TRPM2: variants seen among roughly 807,000 people sequenced by gnomAD.
The protein encoded by TRPM2 is transient receptor potential cation channel subfamily M member 2.
A neutral mutation model predicts 174.0 loss-of-function variants in TRPM2; 161 were observed. The ratio of observed to expected loss-of-function variants is 0.93; its 90% CI spans 0.81 to 1.05. The LOEUF (loss-of-function observed/expected upper bound fraction) is 1.05. Among genes scored for constraint, TRPM2 ranks in the 50% least tolerant of loss-of-function variants. The probability of loss-of-function intolerance (pLI) is 0.00; values close to 1 mark genes in which losing one functional copy is unlikely to be tolerated. For missense variants in TRPM2, 2,057 were observed against 2,038.0 expected (o/e 1.01, Z -0.18); for synonymous variants, 954 against 861.3 (o/e 1.11, Z -1.88).
At position 44,366,393 on chromosome 21, in the gene TRPM2, C is replaced by T. The variant is rs576919228; in HGVS notation, c.424-361C>T. Reference sequence around the variant, plus strand: ...AGGAGCTGATTAGACCCGGGGGAGGCAGGGCCCAGGCGCTACGGCGGGAAT... The same window carrying T: ...AGGAGCTGATTAGACCCGGGGGAGGTAGGGCCCAGGCGCTACGGCGGGAAT... On this transcript the variant is annotated intron_variant, in intron 3 of 31. Transcript: ENST00000397928. The surrounding 1 kb of genome is among the most constrained non-coding windows in gnomAD (Gnocchi z 6.0). Among the ~76,000 whole-genome samples, 1 of 149,668 alleles carries T rather than the reference C, an allele frequency of 6.7e-6. No individual in the cohort carries two copies. Among genetic ancestry groups the T allele is most frequent in the South Asian group, 2.1e-4 (1 of 4,804 alleles).
In TRPM2 at chr21:44,399,405, C is replaced by T. The variant is rs920841869; in HGVS notation, c.2172C>T (p.Ala724=). 6.2e-7 allele frequency: 1 copy of T among 1,612,650 alleles called. No individual in the cohort carries two copies. The highest frequency in any genetic ancestry group is 8.5e-7 in the Non-Finnish European group (1 of 1,179,830). ...CCTGCCTGCAGCTCGCCCTGGAGGC[C>T]AAGGACATGAAGTTTGTGTCTCACG... ...KTTCLQLALE[A]KDMKFVSHGG... Residue 724 remains alanine (A), a synonymous_variant, in exon 14 of 32, where the codon GCC becomes GCT. Transcript: ENST00000397928. This position sits in a 1 kb window ranked among gnomAD's most constrained non-coding sequence, Gnocchi z 4.6.
intron 27 of TRPM2, among the ~76,000 whole-genome samples, chr21:44,433,968 C>T (rs2238726): frequency 6.6e-6 from 1 of 152,010 alleles, no homozygotes; most frequent in African/African-American, 2.4e-5. Context: ...GGAGGCTGCC[C>T]CGCCAGGCAG....
intron 27 of TRPM2, among the ~76,000 whole-genome samples, chr21:44,431,267 A>G (rs898922662): frequency 2.0e-5 from 3 of 150,814 alleles, no homozygotes; most frequent in Non-Finnish European, 4.4e-5. Flanking sequence ...TATGAATTTC[A>G]TTATAATCTT....
In TRPM2 at chr21:44,377,766, C is replaced by T. The variant is rs762312581; in HGVS notation, c.1007C>T (p.Thr336Met). ...GTGGTGCTGGAGGGCGGCCCGGGCA[C>T]GTTGCACGTGAGTATGGCCAGGTGG... is the stretch of plus-strand genomic sequence containing the variant. The part of the protein sequence containing the change: ...VCVVLEGGPG[T>M]LHTIDNATTN... Residue 336 changes from threonine to methionine, a missense_variant, in exon 7 of 32, where the codon ACG becomes ATG. Thr to Met is a moderately conservative substitution (Grantham distance 81). Coordinates refer to ENST00000397928, the MANE Select transcript of TRPM2 (RefSeq NM_003307.4). The T allele has an allele frequency of 1.1e-5, 18 of 1,614,004 alleles. No homozygotes were observed. Among genetic ancestry groups the T allele is most frequent in the African/African-American group, 8.0e-5 (6 of 74,942 alleles).
chr21:44,364,220 G>T lies in TRPM2; in HGVS notation c.361G>T (p.Glu121Ter). 6.2e-7 allele frequency: 1 copy of T among 1,614,232 alleles called. No individual in the cohort carries two copies. The highest frequency in any genetic ancestry group is 1.1e-5 in the South Asian group (1 of 91,086). The part of the protein sequence containing the change: ...TQWDPKKHVQ[E>*]MPTDAFGDIV... ...GTGGGACCCAAAGAAACATGTCCAG[G>T]AGATGCCAACCGATGCCTTTGGCGA... The change falls in exon 3 of 32, where the codon GAG becomes TAG. Residue 121 changes from glutamate (E) to a stop codon, truncating the protein, a stop_gained. Transcript: ENST00000397928. LOFTEE classifies it high-confidence loss of function.
At chr21:44,375,515 CT>C (rs1268679770) in intron 5 of TRPM2, among the ~76,000 whole-genome samples, 1 of 152,180 alleles carries the variant, frequency 6.6e-6, no homozygotes, top group Non-Finnish European at 1.5e-5. Flanking sequence ...TCCTCCACTC[CT>C]GGGGGGTCCG....
chr21:44,351,129 G>A (rs911384960), upstream of TRPM2, among the ~76,000 whole-genome samples: 1 of 152,244 alleles, frequency 6.6e-6, no homozygotes, highest in Non-Finnish European at 1.5e-5. Flanking sequence ...CATTTCCCCG[G>A]GGAATCTGCT....
chr21:44,372,753 C>A (rs1340056655), intron 5 of TRPM2, among the ~76,000 whole-genome samples: 4 of 152,190 alleles, frequency 2.6e-5, no homozygotes, highest in African/African-American at 9.7e-5. Context: ...CAGCCCCAGG[C>A]AATTCCAAAA....
intron 24 of TRPM2, 135 bp from the exon 25 acceptor site, chr21:44,425,535 C>A (rs1318321443): frequency 1.8e-6 from 2 of 1,120,498 alleles, no homozygotes; most frequent in East Asian, 2.8e-5. Context: ...GTTCGACCTG[C>A]ATGGCCATTT....
chr21:44,385,503 C>T (rs1330830431), intron 9 of TRPM2, among the ~76,000 whole-genome samples: 2 of 152,184 alleles, frequency 1.3e-5, no homozygotes, highest in Non-Finnish European at 2.9e-5. Flanking sequence ...ATACTTTCAC[C>T]ACTTCCATTC....
chr21:44,400,401 G>C (rs775189883), intron 15 of TRPM2, 30 bp downstream of exon 15: 9 of 1,588,300 alleles, frequency 5.7e-6, no homozygotes, highest in Admixed American at 3.4e-5. Context: ...CTGCGGGACT[G>C]TGGGGCTGCG....
chr21:44,400,165 C>T, intron 14 of TRPM2, 94 bp from the exon 15 acceptor site: 1 of 1,037,586 alleles, frequency 9.6e-7, no homozygotes, highest in Non-Finnish European at 1.4e-6. Context: ...TAGCTCTGTC[C>T]ACTAGGCACC....
At position 44,439,094 on chromosome 21, in the gene TRPM2, C is replaced by A; in HGVS notation, c.4195C>A (p.Pro1399Thr). The A allele has an allele frequency of 6.2e-7, 1 of 1,613,590 alleles. No homozygotes were observed. ...CTCCCGGGAGCCAGGGGAGATGCTA[C>A]CTCGGAAGCTGAAGCGGATCCTCCG... ...GGSREPGEML[P>T]RKLKRILRQE... Residue 1399 changes from proline (P) to threonine (T), a missense_variant, in exon 30 of 32, where the codon CCT (proline) becomes ACT (threonine). Pro to Thr is a conservative substitution (Grantham distance 38). Transcript: ENST00000397928. The surrounding 1 kb of genome is among the most constrained non-coding windows in gnomAD (Gnocchi z 5.1).
At chr21:44,389,942 G>A (rs781585146) in intron 9 of TRPM2, among the ~76,000 whole-genome samples, 10 of 149,630 alleles carry the variant, frequency 6.7e-5, no homozygotes, top group South Asian at 2.1e-4. Context: ...GCGCGATCTC[G>A]GATCATTGCA....
chr21:44,391,542 G>T lies in TRPM2; in HGVS notation c.1711G>T (p.Asp571Tyr), dbSNP rs1487748756. ...CCAGGTGCTGCGGGAGCTGCTGGGG[G>T]ACTTCACGCAGCCGCTTTATCCCCG... ...VAQVLRELLG[D>Y]FTQPLYPRPR... The change falls in exon 11 of 32, where the codon GAC becomes TAC. Residue 571 changes from aspartate to tyrosine, a missense_variant. By Grantham distance (160) the Asp-to-Tyr change is radical (BLOSUM62 -3). Coordinates refer to ENST00000397928, the MANE Select transcript of TRPM2 (RefSeq NM_003307.4). This position sits in a 1 kb window ranked among gnomAD's most constrained non-coding sequence, Gnocchi z 5.0. The T allele has an allele frequency of 1.2e-5, 20 of 1,602,620 alleles. No individual in the cohort carries two copies. The highest frequency in any genetic ancestry group is 1.7e-5 in the Non-Finnish European group (20 of 1,178,286).
At chr21:44,441,598 C>G in intron 31 of TRPM2, 94 bp from the exon 32 acceptor site, 1 of 1,431,876 alleles carries the variant, frequency 7.0e-7, no homozygotes, top group African/African-American at 1.4e-5. Flanking sequence ...GGAGGGTGTG[C>G]AGGCCCCAAG....
chr21:44,383,310 A>G (rs1352234315), intron 9 of TRPM2, among the ~76,000 whole-genome samples: 2 of 152,176 alleles, frequency 1.3e-5, no homozygotes, highest in Non-Finnish European at 2.9e-5. Flanking sequence ...TTCTCATGCC[A>G]CAGGAGAGAA....
chr21:44,381,953 G>T (rs1004842100), intron 8 of TRPM2, among the ~76,000 whole-genome samples: 1 of 16,874 alleles, frequency 5.9e-5, no homozygotes, highest in South Asian at 2.0e-3. Flanking sequence ...TAGATAGATG[G>T]ATAGATAGAT....
intron 20 of TRPM2, chr21:44,414,967 T>G (rs1196534959): frequency 6.6e-6 from 1 of 152,174 alleles, no homozygotes; most frequent in Admixed American, 6.6e-5. Flanking sequence ...GCATTTCGGT[T>G]AGTTGCTGGG....
Sources: allele counts gnomAD v4.1 joint callset (sites outside exome capture counted in the v4.1 genomes callset), GRCh38; gene constraint gnomAD v4.1.1; non-coding constraint Gnocchi (gnomAD v3.1); transcripts MANE v1.5; gene names NCBI Gene and HGNC (gene_info 2026-07-23, HGNC 2026-07-21).